Variants in TRPM3 observed in about 807,000 individuals in gnomAD.
TRPM3 encodes long transient receptor potential channel 3.
TRPM3 carries 77 observed loss-of-function variants against 181.2 expected under a neutral mutation model. That is an observed-to-expected ratio of 0.42 (90% CI 0.35 to 0.51). The LOEUF (loss-of-function observed/expected upper bound fraction) is 0.51. TRPM3 is among the 20% of genes least tolerant of loss of function. The pLI, the probability that TRPM3 is intolerant of heterozygous loss-of-function variation, is 0.01. For synonymous variants in TRPM3, 745 were observed against 796.4 expected (o/e 0.94, Z 1.09); for missense variants, 1,759 against 2,196.7 (o/e 0.80, Z 3.98).
chr9:70,917,730 G>T (rs1451116542), intron 1 of TRPM3, among the ~76,000 whole-genome samples: 1 of 151,830 alleles, frequency 6.6e-6, no homozygotes, highest in Non-Finnish European at 1.5e-5. Context: ...AAGAAAAGAA[G>T]TCAGAGAAGA....
Position 71,405,039 on chromosome 9 carries a change from A to C in TRPM3, c.183+41614T>G, listed in dbSNP as rs370567071. Among the ~76,000 whole-genome samples the C allele has an allele frequency of 2.0e-5, 3 of 152,298 alleles. No individual in the cohort carries two copies. The East Asian group carries it at 5.8e-4, about 29-fold the overall frequency. On this transcript the variant is annotated intron_variant, in intron 1 of 24. Coordinates refer to the TRPM3 transcript ENST00000357533. ...TTTGATATTTCTACATTGTGCTATA[A>C]TTAACATGTATGTTAAGTGGATACC... is the stretch of plus-strand genomic sequence containing the variant.
chr9:71,274,324 T>C (rs868826727), intron 1 of TRPM3, among the ~76,000 whole-genome samples: 1 of 152,212 alleles, frequency 6.6e-6, no homozygotes, highest in South Asian at 2.1e-4. Flanking sequence ...TGGAACTTAG[T>C]GGTTTTACTG....
At chr9:70,671,766 T>C (rs2062980772) in intron 9 of TRPM3, among the ~76,000 whole-genome samples, 1 of 152,100 alleles carries the variant, frequency 6.6e-6, no homozygotes, top group Non-Finnish European at 1.5e-5. Context: ...AGTAGTTTTA[T>C]TTATTTATTC....
At chr9:71,345,351 C>T (rs372067507) in intron 1 of TRPM3, among the ~76,000 whole-genome samples, 4 of 152,172 alleles carry the variant, frequency 2.6e-5, no homozygotes, top group East Asian at 3.9e-4. Flanking sequence ...AAATTCCCAT[C>T]GATGATAGAC....
chr9:71,250,011 T>A (rs2082251509), intron 1 of TRPM3, among the ~76,000 whole-genome samples: 1 of 152,204 alleles, frequency 6.6e-6, no homozygotes, highest in African/African-American at 2.4e-5. Flanking sequence ...TTTCATGCAG[T>A]CCTTAATTTA....
intron 19 of TRPM3, among the ~76,000 whole-genome samples, chr9:70,608,324 A>G (rs939250129): frequency 2.0e-5 from 3 of 152,212 alleles, no homozygotes; most frequent in Non-Finnish European, 4.4e-5. Context: ...CTGTGTTCCA[A>G]TTATTTATGG....
intron 7 of TRPM3, chr9:70,776,341 C>A: frequency 1.6e-6 from 1 of 643,024 alleles, no homozygotes; most frequent in Non-Finnish European, 2.8e-6. Flanking sequence ...ACTGCAGATG[C>A]TGAGCTTCCA....
intron 9 of TRPM3, among the ~76,000 whole-genome samples, chr9:70,655,873 TC>T (rs2060267981): frequency 6.6e-6 from 1 of 152,180 alleles, no homozygotes; most frequent in Non-Finnish European, 1.5e-5. Flanking sequence ...GAAAAAAAGC[TC>T]TTTTTGAATC....
intron 1 of TRPM3, among the ~76,000 whole-genome samples, chr9:71,067,469 A>G (rs1304994817): frequency 6.6e-6 from 1 of 152,220 alleles, no homozygotes. Context: ...ACAGCATGGC[A>G]CAATGATGAA....
At chr9:70,800,773 A>G (rs999570095) in intron 6 of TRPM3, among the ~76,000 whole-genome samples, 15 of 152,190 alleles carry the variant, frequency 9.9e-5, no homozygotes, top group Non-Finnish European at 8.8e-5. Context: ...TATGTTATAG[A>G]TAAGACTTCT....
chr9:71,261,639 T>A (rs2083061303), intron 1 of TRPM3, among the ~76,000 whole-genome samples: 1 of 152,216 alleles, frequency 6.6e-6, no homozygotes, highest in African/African-American at 2.4e-5. Flanking sequence ...TCTTCATGGA[T>A]TTATCTATCT....
At chr9:70,676,116 T>C (rs2063945558) in intron 9 of TRPM3, among the ~76,000 whole-genome samples, 1 of 152,238 alleles carries the variant, frequency 6.6e-6, no homozygotes, top group Non-Finnish European at 1.5e-5. Flanking sequence ...CACTCTCTTT[T>C]AGCTCTTTTG....
intron 9 of TRPM3, among the ~76,000 whole-genome samples, chr9:70,642,574 C>T (rs2058227648): frequency 6.6e-6 from 1 of 152,158 alleles, no homozygotes; most frequent in South Asian, 2.1e-4. Flanking sequence ...CCAATTAAAT[C>T]ATGTTGCTTG....
At chr9:71,416,813 A>T (rs115238343) in intron 1 of TRPM3, among the ~76,000 whole-genome samples, 1,565 of 152,062 alleles carry the variant, frequency 0.01, 37 homozygotes, top group African/African-American at 0.036. Flanking sequence ...AACCCCAGGA[A>T]GTTTCCTTTT....
At chr9:70,842,880 CA>C (rs2094770497) in intron 5 of TRPM3, 122 bp downstream of exon 5, 2 of 912,534 alleles carry the variant, frequency 2.2e-6, no homozygotes, top group Non-Finnish European at 3.2e-6. Flanking sequence ...TAACATGTTT[CA>C]TTTTAGTGAG....
At chr9:71,341,996 C>T (rs981773258) in intron 1 of TRPM3, among the ~76,000 whole-genome samples, 20 of 151,728 alleles carry the variant, frequency 1.3e-4, no homozygotes, top group Non-Finnish European at 2.5e-4. Flanking sequence ...AAGACAGGAA[C>T]AATCTATTTA....
chr9:70,652,626 G>A (rs1478697649), intron 9 of TRPM3, among the ~76,000 whole-genome samples: 1 of 152,180 alleles, frequency 6.6e-6, no homozygotes, highest in Non-Finnish European at 1.5e-5. Context: ...AATCTGTACA[G>A]TGAGTATCTT....
intron 1 of TRPM3, among the ~76,000 whole-genome samples, chr9:70,950,060 T>C (rs1432775933): frequency 6.6e-6 from 1 of 151,926 alleles, no homozygotes; most frequent in Non-Finnish European, 1.5e-5. Flanking sequence ...ATACTAAAAT[T>C]GAAAAAAAAA....
intron 1 of TRPM3, among the ~76,000 whole-genome samples, chr9:71,319,030 G>T (rs12376227): frequency 0.74 from 112,664 of 151,728 alleles, 43,036 homozygotes; most frequent in East Asian, 0.84. Flanking sequence ...GTACAAAATT[G>T]TGAGATTCAC....
Sources: allele counts gnomAD v4.1 joint callset (sites outside exome capture counted in the v4.1 genomes callset), GRCh38; gene constraint gnomAD v4.1.1; transcripts MANE v1.5; gene names NCBI Gene and HGNC (gene_info 2026-07-23, HGNC 2026-07-21).